ARSB: variants seen among roughly 807,000 people sequenced by gnomAD.
ARSB encodes arylsulfatase B, also known as N-acetylgalactosamine-4-sulfatase.
ARSB carries 41 observed loss-of-function variants against 50.9 expected under a neutral mutation model. The ratio of observed to expected loss-of-function variants is 0.81; its 90% CI spans 0.63 to 1.04. The LOEUF is 1.04. Among genes scored for constraint, ARSB ranks in the 50% least tolerant of loss-of-function variants. The probability of loss-of-function intolerance (pLI) is 0.00; values close to 1 mark genes in which losing one functional copy is unlikely to be tolerated. For missense variants in ARSB, 672 were observed against 693.3 expected, an observed-to-expected ratio of 0.97 and a Z score of 0.35; for synonymous variants, 269 against 284.8, an observed-to-expected ratio of 0.94 and a Z score of 0.56.
At chr5:78,850,176 C>G (rs1322484747) in intron 5 of ARSB, among the ~76,000 whole-genome samples, 8 of 152,058 alleles carry the variant, frequency 5.3e-5, no homozygotes, top group Non-Finnish European at 7.4e-5. Flanking sequence ...TTTGCCCATT[C>G]AGTATATTGG....
At chr5:78,781,722 C>T in intron 7 of ARSB, 130 bp downstream of exon 7, 4 of 1,380,908 alleles carry the variant, frequency 2.9e-6, no homozygotes, top group Non-Finnish European at 4.1e-6. Flanking sequence ...TGATAATGTC[C>T]TCTCTTTCCA....
intron 4 of ARSB, among the ~76,000 whole-genome samples, chr5:78,924,285 A>T (rs1048857752): frequency 6.6e-6 from 1 of 152,244 alleles, no homozygotes; most frequent in Non-Finnish European, 1.5e-5. Context: ...TGCTCAGAAA[A>T]GTAATTTATC....
At chr5:78,921,974 C>A (rs1184679111) in intron 4 of ARSB, among the ~76,000 whole-genome samples, 1 of 152,104 alleles carries the variant, frequency 6.6e-6, no homozygotes, top group African/African-American at 2.4e-5. Context: ...CAGTGGAAAG[C>A]AACACCGGCA....
At chr5:78,980,069 G>A (rs650304) in intron 1 of ARSB, among the ~76,000 whole-genome samples, 64,081 of 152,010 alleles carry the variant, frequency 0.42, 13,668 homozygotes, top group Admixed American at 0.47. Context: ...TAATAAGAAG[G>A]CTGGTGGTTT....
intron 1 of ARSB, 124 bp downstream of exon 1, chr5:78,984,813 A>C (rs1011129950): frequency 1.4e-5 from 11 of 764,896 alleles, no homozygotes; most frequent in Non-Finnish European, 1.9e-5. Flanking sequence ...GCCGGGACCC[A>C]TAACTGGGTC....
chr5:78,872,830 A>AAAG (rs766687773), intron 5 of ARSB, among the ~76,000 whole-genome samples: 18,052 of 150,026 alleles, frequency 0.12, 1,302 homozygotes, highest in Middle Eastern at 0.19. Flanking sequence ...AAAAAAAAAA[A>AAAG]AAAGAAAGGG....
In ARSB at chr5:78,889,953, C is replaced by T. The variant is rs111746668; in HGVS notation, c.899-4126G>A. Among the ~76,000 whole-genome samples the T allele has an allele frequency of 6.0e-3, 911 of 152,292 alleles. 3 individuals are homozygous for T. Among genetic ancestry groups the T allele is most frequent in the Non-Finnish European group, 9.8e-3 (666 of 68,020 alleles). On this transcript the variant is annotated intron_variant, in intron 4 of 7. Transcript: ENST00000264914. The stretch of plus-strand genomic sequence containing the variant: ...GAAAAGCAAGGAAGGCTCTAGCAGC[C>T]TCATACCAAGCCTGGACATCTCTTT...
intron 6 of ARSB, among the ~76,000 whole-genome samples, chr5:78,829,687 A>G (rs1040307853): frequency 1.3e-5 from 2 of 152,340 alleles, no homozygotes; most frequent in South Asian, 4.1e-4. Context: ...CGTCCCAGAA[A>G]TGTTTTCAAA....
At chr5:78,799,403 T>C (rs1343597053) in intron 6 of ARSB, among the ~76,000 whole-genome samples, 4 of 152,182 alleles carry the variant, frequency 2.6e-5, no homozygotes, top group African/African-American at 9.7e-5. Context: ...TGCCAACCGT[T>C]AGACACTTTA....
intron 6 of ARSB, among the ~76,000 whole-genome samples, chr5:78,823,000 T>C (rs1198981429): frequency 6.6e-6 from 1 of 152,250 alleles, no homozygotes; most frequent in East Asian, 1.9e-4. Context: ...AAAATTTTAT[T>C]ATTTTGTGGT....
rs534301571 is a variant in ARSB at position 78,806,959 on chromosome 5, G to A, written c.1214-24985C>T. ...TACTCTTCCGCTCCCTGTCACCTCC[G>A]ATTAGCTACTCTTTCTCCACTTTCC... On this transcript the variant is annotated intron_variant, in intron 6 of 7. Coordinates refer to ENST00000264914, the MANE Select transcript of ARSB (RefSeq NM_000046.5). 4.6e-5 allele frequency among the ~76,000 whole-genome samples: 7 copies of A among 152,282 alleles called. No homozygotes were observed. In the South Asian group the frequency reaches 1.0e-3, roughly 23 times the overall value.
intron 4 of ARSB, among the ~76,000 whole-genome samples, chr5:78,887,667 C>G (rs913217069): frequency 6.6e-6 from 1 of 152,152 alleles, no homozygotes; most frequent in Non-Finnish European, 1.5e-5. Flanking sequence ...AGTATTATAA[C>G]CATTTTGTCA....
At chr5:78,831,936 CATT>C (rs1744713272) in intron 6 of ARSB, among the ~76,000 whole-genome samples, 1 of 152,148 alleles carries the variant, frequency 6.6e-6, no homozygotes, top group Non-Finnish European at 1.5e-5. Flanking sequence ...CTATTGTTCT[CATT>C]AGACTGATTC....
intron 4 of ARSB, among the ~76,000 whole-genome samples, chr5:78,907,382 G>T (rs950465978): frequency 6.6e-6 from 1 of 152,148 alleles, no homozygotes; most frequent in Non-Finnish European, 1.5e-5. Context: ...GTGTTTCCAG[G>T]ACTTTGGTTC....
intron 4 of ARSB, among the ~76,000 whole-genome samples, chr5:78,900,762 G>C (rs888250437): frequency 1.4e-4 from 21 of 152,188 alleles, no homozygotes; most frequent in South Asian, 8.3e-4. Flanking sequence ...AGCAATGGGC[G>C]GGCGCAGTAG....
At chr5:78,864,072 G>C (rs926483474) in intron 5 of ARSB, among the ~76,000 whole-genome samples, 7 of 151,678 alleles carry the variant, frequency 4.6e-5, no homozygotes, top group African/African-American at 1.7e-4. Context: ...TAAACCCTGG[G>C]TGAAGTGAGG....
chr5:78,874,865 T>G (rs1747414988), intron 5 of ARSB, among the ~76,000 whole-genome samples: 1 of 152,022 alleles, frequency 6.6e-6, no homozygotes, highest in Non-Finnish European at 1.5e-5. Flanking sequence ...TCCCAGCGCT[T>G]TGGGAGGCTG....
chr5:78,942,863 T>C (rs1208765375), intron 4 of ARSB, among the ~76,000 whole-genome samples: 1 of 152,244 alleles, frequency 6.6e-6, no homozygotes, highest in Admixed American at 6.5e-5. Flanking sequence ...TTGATCTGTC[T>C]AATGTTAACA....
chr5:78,898,759 T>C (rs1748680190), intron 4 of ARSB, among the ~76,000 whole-genome samples: 1 of 152,208 alleles, frequency 6.6e-6, no homozygotes, highest in South Asian at 2.1e-4. Flanking sequence ...TCCATTTCCT[T>C]GCCTTTCTAG....
Sources: gnomAD v4.1 joint callset for allele counts (sites outside exome capture counted in the v4.1 genomes callset) on GRCh38, gnomAD v4.1.1 for gene constraint, MANE v1.5 for transcripts, NCBI Gene and HGNC (gene_info 2026-07-23, HGNC 2026-07-21) for gene names.